The following LRRC4C variants were observed in gnomAD, a reference collection of about 807,000 sequenced individuals.
LRRC4C encodes leucine-rich repeat-containing protein 4C.
In LRRC4C, 5 loss-of-function variants were observed where a neutral mutation model predicts 33.6. The observed-to-expected ratio is 0.15, with a 90% CI of 0.08 to 0.31. The LOEUF (loss-of-function observed/expected upper bound fraction) is 0.31, where lower values mean the gene tolerates loss of function less well. Among genes scored for constraint, LRRC4C ranks in the 10% least tolerant of loss-of-function variants. LRRC4C has a pLI of 1.00. For missense variants in LRRC4C, 560 were observed against 796.7 expected (o/e 0.70, Z 3.58); for synonymous variants, 329 against 302.0 (o/e 1.09, Z -0.93).
intron 2 of LRRC4C, among the ~76,000 whole-genome samples, chr11:40,731,235 C>T (rs1490786175): frequency 6.6e-6 from 1 of 152,058 alleles, no homozygotes; most frequent in Admixed American, 6.5e-5. Flanking sequence ...AGGAGAATGG[C>T]GTGAACCCGG....
At chr11:40,674,413 T>C (rs1283392916) in intron 2 of LRRC4C, among the ~76,000 whole-genome samples, 2 of 152,172 alleles carry the variant, frequency 1.3e-5, no homozygotes, top group African/African-American at 4.8e-5. Flanking sequence ...AAATCTAGCA[T>C]GTTGTTCTGA....
At chr11:40,795,120 C>A (rs1209173649) in intron 2 of LRRC4C, among the ~76,000 whole-genome samples, 1 of 152,076 alleles carries the variant, frequency 6.6e-6, no homozygotes, top group Non-Finnish European at 1.5e-5. Flanking sequence ...GCTTACAAAG[C>A]AATAACATAC....
At chr11:40,127,924 A>G (rs1856374482) in intron 6 of LRRC4C, among the ~76,000 whole-genome samples, 1 of 152,208 alleles carries the variant, frequency 6.6e-6, no homozygotes, top group Non-Finnish European at 1.5e-5. Context: ...GCTCATGTCC[A>G]TGCTGCAGAT....
At chr11:40,853,158 T>G (rs1953597514) in intron 2 of LRRC4C, among the ~76,000 whole-genome samples, 1 of 152,134 alleles carries the variant, frequency 6.6e-6, no homozygotes, top group Non-Finnish European at 1.5e-5. Context: ...TAAACTAACC[T>G]ATGCTGCTTG....
At chr11:41,134,781 A>G (rs1943181665) in intron 1 of LRRC4C, among the ~76,000 whole-genome samples, 1 of 152,184 alleles carries the variant, frequency 6.6e-6, no homozygotes, top group Non-Finnish European at 1.5e-5. Context: ...AAATAAAGGC[A>G]TATTCTGAAG....
intron 3 of LRRC4C, among the ~76,000 whole-genome samples, chr11:40,341,698 T>C (rs952436538): frequency 1.3e-5 from 2 of 152,212 alleles, no homozygotes; most frequent in Non-Finnish European, 2.9e-5. Context: ...AAAAAAACTT[T>C]CAAATTGATA....
intron 2 of LRRC4C, among the ~76,000 whole-genome samples, chr11:40,814,423 C>T (rs886690927): frequency 6.6e-6 from 1 of 152,018 alleles, no homozygotes; most frequent in Admixed American, 6.6e-5. Context: ...AGTAGGGGGA[C>T]CCTGGACTTG....
intron 2 of LRRC4C, among the ~76,000 whole-genome samples, chr11:40,768,789 C>T (rs565620973): frequency 1.3e-5 from 2 of 152,018 alleles, no homozygotes; most frequent in African/African-American, 2.4e-5. Flanking sequence ...ATTCAACATG[C>T]CTTCATGATA....
intron 2 of LRRC4C, among the ~76,000 whole-genome samples, chr11:40,673,383 A>G (rs1289351747): frequency 6.6e-6 from 1 of 152,222 alleles, no homozygotes; most frequent in East Asian, 1.9e-4. Context: ...AATAGTAATT[A>G]TAATAGTAAC....
intron 3 of LRRC4C, among the ~76,000 whole-genome samples, chr11:40,462,425 TAG>T (rs1952443754): frequency 6.6e-6 from 1 of 151,822 alleles, no homozygotes; most frequent in African/African-American, 2.4e-5. Flanking sequence ...CTTTAATTTA[TAG>T]AGAGTATGTA....
chr11:41,125,336 T>G (rs1475260801), intron 1 of LRRC4C, among the ~76,000 whole-genome samples: 2 of 152,188 alleles, frequency 1.3e-5, no homozygotes, highest in Non-Finnish European at 2.9e-5. Flanking sequence ...TCCAAAAAAT[T>G]CCTTCATTTA....
At chr11:40,627,302 A>G (rs1317153439) in intron 3 of LRRC4C, among the ~76,000 whole-genome samples, 1 of 152,070 alleles carries the variant, frequency 6.6e-6, no homozygotes, top group Non-Finnish European at 1.5e-5. Context: ...AATAAAAGTC[A>G]GTCATCATTA....
intron 2 of LRRC4C, among the ~76,000 whole-genome samples, chr11:40,805,449 G>T (rs1308978542): frequency 6.6e-6 from 1 of 152,078 alleles, no homozygotes; most frequent in Non-Finnish European, 1.5e-5. Context: ...AGATTGATTT[G>T]AGTCACTTTT....
At position 40,827,447 on chromosome 11, in the gene LRRC4C, T is replaced by TTCC. The variant is rs141840794; in HGVS notation, c.-407+106185_-407+106187dup. On this transcript the variant is annotated intron_variant, in intron 2 of 6. Transcript: ENST00000528697. ...GACTAAAAAGAAAAAATAAAAAAAG[T>TTCC]TCCTCTTGAGCCTAAAGCCAAAAGC... is the stretch of plus-strand genomic sequence containing the variant. 8.6e-3 allele frequency among the ~76,000 whole-genome samples: 1,307 copies of TTCC among 151,852 alleles called. 21 individuals carry two copies. Among genetic ancestry groups the TTCC allele is most frequent in the African/African-American group, 0.03 (1,241 of 41,450 alleles).
chr11:40,439,428 T>G (rs7108629), intron 3 of LRRC4C, among the ~76,000 whole-genome samples: 56,693 of 151,218 alleles, frequency 0.37, 11,336 homozygotes, highest in East Asian at 0.53. Flanking sequence ...GAGTAATAGG[T>G]CCTCTTGAAT....
chr11:40,432,411 T>G (rs34721539), intron 3 of LRRC4C, among the ~76,000 whole-genome samples: 59 of 152,360 alleles, frequency 3.9e-4, no homozygotes, highest in Non-Finnish European at 7.3e-4. Context: ...AAAACTTATT[T>G]CTTGAAAAAG....
intron 5 of LRRC4C, among the ~76,000 whole-genome samples, chr11:40,200,435 A>G (rs1310067870): frequency 6.6e-6 from 1 of 152,000 alleles, no homozygotes; most frequent in Non-Finnish European, 1.5e-5. Context: ...ACGTTACCTT[A>G]GAAATTGAGA....
intron 5 of LRRC4C, among the ~76,000 whole-genome samples, chr11:40,163,838 A>G (rs12802037): frequency 0.15 from 22,651 of 152,108 alleles, 2,232 homozygotes; most frequent in Non-Finnish European, 0.22. Context: ...ATAAGGATTT[A>G]TAACTTGCTT....
chr11:41,451,797 AGT>A (rs1956033791), intron 1 of LRRC4C, among the ~76,000 whole-genome samples: 1 of 152,156 alleles, frequency 6.6e-6, no homozygotes, highest in African/African-American at 2.4e-5. Flanking sequence ...GCTTAATAGT[AGT>A]CCAGGTACCT....
Sources: allele counts gnomAD v4.1 joint callset (sites outside exome capture counted in the v4.1 genomes callset), GRCh38; gene constraint gnomAD v4.1.1; transcripts MANE v1.5; gene names NCBI Gene and HGNC (gene_info 2026-07-23, HGNC 2026-07-21).